The following ATP8A2 variants were observed in gnomAD, a reference collection of about 807,000 sequenced individuals.
The protein encoded by ATP8A2 is ATPase phospholipid transporting 8A2.
ATP8A2 carries 100 observed loss-of-function variants against 165.6 expected under a neutral mutation model. That is an observed-to-expected ratio of 0.60 (90% CI 0.51 to 0.71). ATP8A2 has a LOEUF of 0.71. Among genes scored for constraint, ATP8A2 ranks in the 30% least tolerant of loss-of-function variants. The probability of loss-of-function intolerance (pLI) is 0.00; values close to 1 mark genes in which losing one functional copy is unlikely to be tolerated. For missense variants in ATP8A2, 1,227 were observed against 1,479.5 expected (o/e 0.83, Z 2.80); for synonymous variants, 543 against 548.8 (o/e 0.99, Z 0.15).
chr13:25,783,700 G>A (rs2044945732), intron 27 of ATP8A2, among the ~76,000 whole-genome samples: 1 of 152,184 alleles, frequency 6.6e-6, no homozygotes, highest in South Asian at 2.1e-4. Context: ...GAGAGGGTCA[G>A]GGAATGTGCC....
intron 29 of ATP8A2, among the ~76,000 whole-genome samples, chr13:25,838,402 C>T (rs1027032681): frequency 6.6e-6 from 1 of 152,136 alleles, no homozygotes; most frequent in Non-Finnish European, 1.5e-5. Context: ...TTTACCAATC[C>T]TTGTTGACTG....
chr13:25,705,784 G>A (rs955642917), intron 25 of ATP8A2, among the ~76,000 whole-genome samples: 3 of 152,228 alleles, frequency 2.0e-5, no homozygotes, highest in Non-Finnish European at 4.4e-5. Context: ...GTGAAGTCTT[G>A]ATCTCCTTCT....
At chr13:25,961,919 G>C (rs1370456311) in intron 34 of ATP8A2, among the ~76,000 whole-genome samples, 1 of 152,160 alleles carries the variant, frequency 6.6e-6, no homozygotes, top group Non-Finnish European at 1.5e-5. Flanking sequence ...AGCTACTTAG[G>C]AGGCCAAGGT....
At chr13:25,810,112 C>A (rs1950829340) in intron 27 of ATP8A2, among the ~76,000 whole-genome samples, 1 of 152,162 alleles carries the variant, frequency 6.6e-6, no homozygotes, top group African/African-American at 2.4e-5. Flanking sequence ...AACAGCTTTC[C>A]TTCAGCTTTT....
chr13:26,006,515 A>G (rs1011889224), intron 35 of ATP8A2, among the ~76,000 whole-genome samples: 1 of 151,948 alleles, frequency 6.6e-6, no homozygotes, highest in Non-Finnish European at 1.5e-5. Context: ...TTTTCTTGCC[A>G]AACTGCTTTG....
chr13:25,390,473 C>G (rs999189685), intron 1 of ATP8A2, among the ~76,000 whole-genome samples: 1 of 152,102 alleles, frequency 6.6e-6, no homozygotes, highest in African/African-American at 2.4e-5. Context: ...CTAAAGTTCT[C>G]CCCTGTCCCT....
At chr13:25,490,774 T>A (rs1283043456) in intron 2 of ATP8A2, among the ~76,000 whole-genome samples, 1 of 151,980 alleles carries the variant, frequency 6.6e-6, no homozygotes, top group Non-Finnish European at 1.5e-5. Flanking sequence ...TTTGTTTTTT[T>A]TGGAGAGGAG....
At chr13:25,676,657 G>A (rs920651047) in intron 24 of ATP8A2, among the ~76,000 whole-genome samples, 5 of 152,096 alleles carry the variant, frequency 3.3e-5, no homozygotes, top group African/African-American at 1.2e-4. Flanking sequence ...GAAAGGAAAA[G>A]ACAGACAACA....
chr13:25,471,954 A>G (rs1217361502), intron 2 of ATP8A2, among the ~76,000 whole-genome samples: 1 of 152,218 alleles, frequency 6.6e-6, no homozygotes, highest in African/African-American at 2.4e-5. Context: ...TGTGAGCGTA[A>G]GTTTCCGCAT....
intron 27 of ATP8A2, among the ~76,000 whole-genome samples, chr13:25,789,325 A>T (rs71431764): frequency 6.6e-6 from 1 of 152,228 alleles, no homozygotes; most frequent in Non-Finnish European, 1.5e-5. Flanking sequence ...TTAGCTAAAA[A>T]TAAAACTCTA....
Position 25,382,787 on chromosome 13 carries a change from G to T in ATP8A2, c.76+10499G>T, listed in dbSNP as rs532704475. Reference sequence around the variant, plus strand: ...TTTTTTTTTTTTGAGACAGAGTCTCGCTGTGTCGCCCAGGCTGGAGTGCAG... The same window carrying T: ...TTTTTTTTTTTTGAGACAGAGTCTCTCTGTGTCGCCCAGGCTGGAGTGCAG... On this transcript the variant is annotated intron_variant, in intron 1 of 36. Coordinates refer to ENST00000381655, the MANE Select transcript of ATP8A2 (RefSeq NM_016529.6). Among the ~76,000 whole-genome samples, 6 of 149,014 alleles carry T rather than the reference G, an allele frequency of 4.0e-5. No homozygotes were observed. In the East Asian group the frequency reaches 5.9e-4, roughly 15 times the overall value.
At chr13:25,967,001 G>GT (rs1441410213) in intron 34 of ATP8A2, among the ~76,000 whole-genome samples, 1 of 152,124 alleles carries the variant, frequency 6.6e-6, no homozygotes, top group Non-Finnish European at 1.5e-5. Flanking sequence ...GCTGTTCTAG[G>GT]ACCCATGCAA....
At chr13:25,513,285 G>A (rs1027482740) in intron 2 of ATP8A2, among the ~76,000 whole-genome samples, 131 of 151,922 alleles carry the variant, frequency 8.6e-4, no homozygotes, top group African/African-American at 2.8e-3. Context: ...AGACGGGGTC[G>A]CGGCCGGGTA....
intron 35 of ATP8A2, among the ~76,000 whole-genome samples, chr13:25,994,268 G>A (rs1431639008): frequency 1.3e-5 from 2 of 151,856 alleles, no homozygotes; most frequent in African/African-American, 4.8e-5. Flanking sequence ...ATATTTATGT[G>A]TGCATATATA....
intron 1 of ATP8A2, among the ~76,000 whole-genome samples, chr13:25,431,227 G>A (rs1022001363): frequency 3.3e-5 from 5 of 152,106 alleles, no homozygotes; most frequent in African/African-American, 7.2e-5. Flanking sequence ...TCAGCTCACC[G>A]CAACCTCCGC....
At chr13:25,583,345 G>A (rs936445712) in intron 23 of ATP8A2, among the ~76,000 whole-genome samples, 3 of 152,150 alleles carry the variant, frequency 2.0e-5, no homozygotes, top group African/African-American at 4.8e-5. Context: ...TAAAATTTAG[G>A]TGATATGCTT....
At chr13:25,520,507 T>A (rs1013313821) in intron 2 of ATP8A2, among the ~76,000 whole-genome samples, 22 of 152,212 alleles carry the variant, frequency 1.4e-4, no homozygotes, top group Non-Finnish European at 2.6e-4. Context: ...TGCAGACAGA[T>A]ATCTCTTTGA....
chr13:25,883,772 A>G (rs1171537222), intron 33 of ATP8A2, among the ~76,000 whole-genome samples: 1 of 151,758 alleles, frequency 6.6e-6, no homozygotes, highest in East Asian at 1.9e-4. Flanking sequence ...AAACCTCACC[A>G]CCTCCCAGTC....
chr13:25,956,139 T>C lies in ATP8A2; in HGVS notation c.3184-5436T>C, dbSNP rs138660951. On this transcript the variant is annotated intron_variant, in intron 33 of 36. Transcript: ENST00000381655. ...GGAACGTATCTCAATAAGAGCTATT[T>C]ATGACAGTCCCACAGCCAATATCAT... Among the ~76,000 whole-genome samples, 1,134 of 152,304 alleles carry C rather than the reference T, an allele frequency of 7.4e-3. 6 individuals carry two copies. The highest frequency in any genetic ancestry group is 0.011 in the Non-Finnish European group (760 of 68,030).
Sources: allele counts gnomAD v4.1 joint callset (sites outside exome capture counted in the v4.1 genomes callset), GRCh38; gene constraint gnomAD v4.1.1; transcripts MANE v1.5; gene names NCBI Gene and HGNC (gene_info 2026-07-23, HGNC 2026-07-21).